The following BCO1 variants were observed in gnomAD, a reference collection of about 807,000 sequenced individuals.
BCO1 encodes beta,beta-carotene 15,15'-dioxygenase.
Under a neutral mutation model 56.3 loss-of-function variants are expected in BCO1, and 54 were observed. That is an observed-to-expected ratio of 0.96 (90% confidence interval 0.77 to 1.20). The LOEUF (loss-of-function observed/expected upper bound fraction) is 1.20. Ranked by LOEUF, BCO1 falls within the 50% of genes most tolerant of loss-of-function variation. The pLI, the probability that BCO1 is intolerant of heterozygous loss-of-function variation, is 0.00. For missense variants in BCO1, 801 were observed against 690.9 expected, an observed-to-expected ratio of 1.16 and a Z score of -1.79; for synonymous variants, 318 against 266.1, an observed-to-expected ratio of 1.20 and a Z score of -1.90.
intron 9 of BCO1, 41 bp downstream of exon 9, chr16:81,285,675 T>C (rs1189352483): frequency 1.4e-6 from 2 of 1,421,014 alleles, no homozygotes; most frequent in South Asian, 1.1e-5. Flanking sequence ...CCTACAGTGA[T>C]TGTGTCTATA....
chr16:81,268,011 C>A lies in BCO1; in HGVS notation c.723C>A (p.Val241=). The A allele has an allele frequency of 6.2e-7, 1 of 1,613,946 alleles. No individual in the cohort carries two copies. Among genetic ancestry groups the A allele is most frequent in the Non-Finnish European group, 8.5e-7 (1 of 1,180,010 alleles). ...CAAGCTACTACCACAGCTTTGGAGT[C>A]ACCGAGAACTATGTCATCTTCCTTG... ...LSPSYYHSFG[V]TENYVIFLEQ... is the part of the protein sequence containing the mutation. The change falls in exon 6 of 11, where the codon GTC becomes GTA. Residue 241 remains valine (V), a synonymous_variant. Coordinates refer to ENST00000258168, the MANE Select transcript of BCO1 (RefSeq NM_017429.3).
rs765219048 is a variant in BCO1 at position 81,268,110 on chromosome 16, G to A, written c.822G>A (p.Leu274=). 3.7e-6 allele frequency: 6 copies of A among 1,610,016 alleles called. No homozygotes were observed. The South Asian group carries it at 5.5e-5, about 15-fold the overall frequency. ...YIRRMSWASC[L]AFHREEKTYI... is the part of the protein sequence containing the mutation. ...GGAGAATGAGCTGGGCCTCCTGCCT[G>A]GCTTTCCACAGGGAGGAGAAGGTGA... The change falls in exon 6 of 11, where the codon CTG becomes CTA. Residue 274 remains leucine (L), a synonymous_variant. Coordinates refer to ENST00000258168, the MANE Select transcript of BCO1 (RefSeq NM_017429.3).
intron 5 of BCO1, among the ~76,000 whole-genome samples, chr16:81,267,396 T>G (rs752916182): frequency 1.3e-5 from 2 of 152,208 alleles, no homozygotes; most frequent in Non-Finnish European, 2.9e-5. Flanking sequence ...GCAGATCACC[T>G]GAGGTCAGGA....
Position 81,256,989 on chromosome 16 carries a change from G to A in BCO1, c.194-2687G>A, listed in dbSNP as rs74029095. Among the ~76,000 whole-genome samples, 639 of 152,096 alleles carry A rather than the reference G, an allele frequency of 4.2e-3. 3 individuals carry two copies. Among genetic ancestry groups the A allele is most frequent in the African/African-American group, 0.015 (618 of 41,496 alleles). Reference sequence around the variant, plus strand: ...CCTGTCCTCCAAATCCCTCTCTAATGTTCCAGCCCAGCCGAACTCAACGCC... The same window carrying A: ...CCTGTCCTCCAAATCCCTCTCTAATATTCCAGCCCAGCCGAACTCAACGCC... On this transcript the variant is annotated intron_variant, in intron 2 of 10. Coordinates refer to ENST00000258168, the MANE Select transcript of BCO1 (RefSeq NM_017429.3).
intron 7 of BCO1, among the ~76,000 whole-genome samples, chr16:81,279,134 A>G (rs1907720270): frequency 6.6e-6 from 1 of 151,880 alleles, no homozygotes. Flanking sequence ...AAAATTAACC[A>G]AGGATGGTGA....
At chr16:81,246,038 C>G (rs995955812) in intron 2 of BCO1, among the ~76,000 whole-genome samples, 53 of 151,180 alleles carry the variant, frequency 3.5e-4, no homozygotes, top group African/African-American at 1.2e-3. Flanking sequence ...AATTTTTGTA[C>G]TTTTGGTCTC....
In BCO1 at chr16:81,270,268, G is replaced by A. The variant is rs957543256; in HGVS notation, c.953G>A (p.Cys318Tyr). Residue 318 changes from cysteine (C) to tyrosine (Y), a missense_variant, in exon 7 of 11, where the codon TGC (cysteine) becomes TAC (tyrosine). Cys to Tyr is a radical substitution (Grantham distance 194). Coordinates refer to ENST00000258168, the MANE Select transcript of BCO1 (RefSeq NM_017429.3). ...HHVNAYEEDGCIVFDVIAYED... is the reference protein window; with the variant it reads ...HHVNAYEEDGYIVFDVIAYED... Reference sequence around the variant, plus strand: ...GTCAACGCCTACGAAGAGGACGGCTGCATCGTGTTTGACGTCATTGCCTAC... The same window carrying A: ...GTCAACGCCTACGAAGAGGACGGCTACATCGTGTTTGACGTCATTGCCTAC... 1 of 1,614,196 alleles carries A rather than the reference G, an allele frequency of 6.2e-7. No individual in the cohort carries two copies. Among genetic ancestry groups the A allele is most frequent in the Non-Finnish European group, 8.5e-7 (1 of 1,180,036 alleles).
At chr16:81,246,052 C>G (rs1344735449) in intron 2 of BCO1, among the ~76,000 whole-genome samples, 1 of 151,720 alleles carries the variant, frequency 6.6e-6, no homozygotes, top group African/African-American at 2.4e-5. Flanking sequence ...TGGTCTCAAA[C>G]TCCTGACCTC....
chr16:81,257,170 C>A (rs1906191320), intron 2 of BCO1, among the ~76,000 whole-genome samples: 1 of 152,182 alleles, frequency 6.6e-6, no homozygotes, highest in Non-Finnish European at 1.5e-5. Flanking sequence ...CTCCCTGAAG[C>A]TTCTCCTGAC....
At chr16:81,245,422 G>C in intron 1 of BCO1, 53 bp from the exon 2 acceptor site, 1 of 1,613,942 alleles carries the variant, frequency 6.2e-7, no homozygotes, top group East Asian at 2.2e-5. Context: ...ATTTCTTCCA[G>C]CATTTTGGTT....
At chr16:81,248,804 G>C (rs533510347) in intron 2 of BCO1, among the ~76,000 whole-genome samples, 27 of 152,302 alleles carry the variant, frequency 1.8e-4, no homozygotes, top group Middle Eastern at 3.4e-3. Flanking sequence ...CTGAAGTCGG[G>C]AGTTCAAGAC....
intron 7 of BCO1, among the ~76,000 whole-genome samples, chr16:81,280,111 A>G (rs2150638592): frequency 6.6e-6 from 1 of 151,924 alleles, no homozygotes; most frequent in Middle Eastern, 3.4e-3. Context: ...AAAAATATAA[A>G]AATTAGCCAG....
chr16:81,245,192 C>CATT (rs1341784028), intron 1 of BCO1, among the ~76,000 whole-genome samples: 1 of 152,176 alleles, frequency 6.6e-6, no homozygotes, highest in Non-Finnish European at 1.5e-5. Flanking sequence ...ACACAACCAG[C>CATT]ATTGCCTTGA....
chr16:81,259,075 C>T (rs1436481350), intron 2 of BCO1, among the ~76,000 whole-genome samples: 2 of 152,178 alleles, frequency 1.3e-5, no homozygotes, highest in Admixed American at 1.3e-4. Flanking sequence ...GACACCTCCT[C>T]CTAGGCCCAC....
At chr16:81,289,564 C>G (rs1479051930) in intron 10 of BCO1, among the ~76,000 whole-genome samples, 1 of 152,056 alleles carries the variant, frequency 6.6e-6, no homozygotes, top group Non-Finnish European at 1.5e-5. Flanking sequence ...TAGCTTGAGC[C>G]CAAGAGATCG....
chr16:81,243,205 G>A (rs767360309), intron 1 of BCO1, among the ~76,000 whole-genome samples: 2 of 152,114 alleles, frequency 1.3e-5, no homozygotes, highest in Non-Finnish European at 2.9e-5. Context: ...CCCCTGAACT[G>A]TACATTTTAA....
At chr16:81,252,480 T>C (rs1168106684) in intron 2 of BCO1, among the ~76,000 whole-genome samples, 1 of 152,196 alleles carries the variant, frequency 6.6e-6, no homozygotes, top group Non-Finnish European at 1.5e-5. Context: ...GGTCTTGAAC[T>C]CCTGACCTCA....
chr16:81,244,311 T>C (rs1400655512), intron 1 of BCO1, among the ~76,000 whole-genome samples: 7 of 152,180 alleles, frequency 4.6e-5, no homozygotes, highest in Non-Finnish European at 8.8e-5. Context: ...GGTAGAAACA[T>C]TGAAAAAAGT....
intron 5 of BCO1, among the ~76,000 whole-genome samples, chr16:81,265,310 CACCAT>C (rs1454276866): frequency 6.7e-6 from 1 of 149,852 alleles, no homozygotes; most frequent in African/African-American, 2.5e-5. Flanking sequence ...TCCACCCACA[CACCAT>C]CCCTCCATCC....
Sources: allele counts gnomAD v4.1 joint callset (sites outside exome capture counted in the v4.1 genomes callset), GRCh38; gene constraint gnomAD v4.1.1; transcripts MANE v1.5; gene names NCBI Gene and HGNC (gene_info 2026-07-23, HGNC 2026-07-21).